IMMT: variants seen among roughly 807,000 people sequenced by gnomAD.
IMMT encodes inner membrane mitochondrial protein, also known as MICOS complex subunit MIC60.
IMMT carries 40 observed loss-of-function variants against 92.7 expected under a neutral mutation model. That is an observed-to-expected ratio of 0.43 (90% CI 0.34 to 0.56). The LOEUF (loss-of-function observed/expected upper bound fraction) is 0.56, where lower values mean the gene tolerates loss of function less well. Among genes scored for constraint, IMMT ranks in the 20% least tolerant of loss-of-function variants. The probability of loss-of-function intolerance (pLI) is 0.03; values close to 1 mark genes in which losing one functional copy is unlikely to be tolerated. For synonymous variants in IMMT, 322 were observed against 336.1 expected (o/e 0.96, Z 0.46); for missense variants, 831 against 912.1 (o/e 0.91, Z 1.14).
rs373215755 is a variant in IMMT at position 86,171,297 on chromosome 2, G to A, written c.470C>T (p.Ser157Leu). 6.3e-5 allele frequency: 102 copies of A among 1,610,520 alleles called. No individual in the cohort carries two copies. Among genetic ancestry groups the A allele is most frequent in the Admixed American group, 8.4e-5 (5 of 59,622 alleles). Residue 157 changes from serine (S) to leucine (L), a missense_variant, in exon 5 of 15, where the codon TCG becomes TTG. Coordinates refer to ENST00000410111, the MANE Select transcript of IMMT (RefSeq NM_006839.3). ...QIISAAGDTLSVPAPAVQPEE... is the reference protein window; with the variant it reads ...QIISAAGDTLLVPAPAVQPEE... ...AGGCTGAACTGCAGGGGCTGGGACC[G>A]ACAGGGTATCACCTGCTGCAGAAAT...
At chr2:86,168,521 G>C (rs887116855) in intron 6 of IMMT, among the ~76,000 whole-genome samples, 5 of 152,148 alleles carry the variant, frequency 3.3e-5, no homozygotes, top group Non-Finnish European at 5.9e-5. Context: ...TACTCAGGAG[G>C]CTGAGGCAGG....
chr2:86,150,397 A>G (rs936709805), intron 12 of IMMT, among the ~76,000 whole-genome samples: 1 of 152,228 alleles, frequency 6.6e-6, no homozygotes, highest in African/African-American at 2.4e-5. Flanking sequence ...CTGAGCAGAA[A>G]AGGAGGTTAA....
At chr2:86,149,831 G>T (rs1675327238) in intron 12 of IMMT, among the ~76,000 whole-genome samples, 1 of 146,190 alleles carries the variant, frequency 6.8e-6, no homozygotes, top group South Asian at 2.1e-4. Flanking sequence ...AATGAGCCAA[G>T]ATTGCACTAC....
At chr2:86,171,857 T>C (rs544741668) in intron 4 of IMMT, among the ~76,000 whole-genome samples, 4 of 118,160 alleles carry the variant, frequency 3.4e-5, no homozygotes, top group East Asian at 2.0e-4. Flanking sequence ...CATATATATA[T>C]ATATATTTTT....
At chr2:86,145,040 A>G (rs1416690610) in intron 14 of IMMT, among the ~76,000 whole-genome samples, 159 bp from the exon 15 acceptor site, 1 of 147,854 alleles carries the variant, frequency 6.8e-6, no homozygotes, top group African/African-American at 2.5e-5. Flanking sequence ...TTTCTGGTGT[A>G]TTTTCCTAGC....
At chr2:86,184,952 G>A (rs1054550953) in intron 1 of IMMT, among the ~76,000 whole-genome samples, 6 of 152,128 alleles carry the variant, frequency 3.9e-5, no homozygotes, top group African/African-American at 1.2e-4. Context: ...ACTTTGGGAG[G>A]CCGAAGCGGG....
intron 4 of IMMT, among the ~76,000 whole-genome samples, chr2:86,172,613 T>G (rs1431973583): frequency 6.6e-6 from 1 of 152,252 alleles, no homozygotes; most frequent in Admixed American, 6.5e-5. Flanking sequence ...ATTACAGGCA[T>G]GAGCCCATGC....
At chr2:86,188,976 T>C (rs1023578714) in intron 1 of IMMT, among the ~76,000 whole-genome samples, 1 of 152,214 alleles carries the variant, frequency 6.6e-6, no homozygotes, top group Non-Finnish European at 1.5e-5. Context: ...AAGAAACCAT[T>C]GCCAAACATA....
intron 11 of IMMT, 31 bp from the exon 12 acceptor site, chr2:86,151,551 G>T: frequency 1.3e-6 from 2 of 1,487,168 alleles, no homozygotes; most frequent in Non-Finnish European, 1.9e-6. Context: ...AAATATTAAT[G>T]ATGTCACTGA....
At chr2:86,186,072 G>C (rs954871881) in intron 1 of IMMT, among the ~76,000 whole-genome samples, 1 of 152,190 alleles carries the variant, frequency 6.6e-6, no homozygotes, top group African/African-American at 2.4e-5. Flanking sequence ...TATGCTGAAT[G>C]TATGGGGAGC....
chr2:86,169,035 T>C (rs1477370236), intron 6 of IMMT, among the ~76,000 whole-genome samples: 1 of 152,240 alleles, frequency 6.6e-6, no homozygotes. Flanking sequence ...TGTCCTTTGA[T>C]CCTTGATAAA....
chr2:86,193,331 CAGG>C (rs1460642595), intron 1 of IMMT, among the ~76,000 whole-genome samples: 4 of 150,060 alleles, frequency 2.7e-5, no homozygotes, highest in African/African-American at 9.8e-5. Flanking sequence ...TGCTTGCGCT[CAGG>C]AGGTCAAGGC....
chr2:86,172,643 T>C (rs1194227134), intron 4 of IMMT, among the ~76,000 whole-genome samples: 1 of 152,170 alleles, frequency 6.6e-6, no homozygotes, highest in Non-Finnish European at 1.5e-5. Context: ...AAAATAAAAT[T>C]CTTACAATGG....
intron 14 of IMMT, among the ~76,000 whole-genome samples, chr2:86,145,266 G>A (rs538082855): frequency 9.3e-5 from 6 of 64,796 alleles, no homozygotes; most frequent in Admixed American, 1.8e-4. Context: ...AGGCCGAGGT[G>A]GGTGGATCAC....
chr2:86,162,200 T>C (rs1676335471), intron 7 of IMMT, 121 bp from the exon 8 acceptor site: 1 of 608,820 alleles, frequency 1.6e-6, no homozygotes, highest in East Asian at 3.4e-5. Flanking sequence ...ATATGCAATG[T>C]TTCTCCAGAG....
At position 86,147,764 on chromosome 2, in the gene IMMT, T is replaced by C. The variant is rs1261966038; in HGVS notation, c.1471A>G (p.Thr491Ala). The C allele has an allele frequency of 1.2e-6, 2 of 1,613,828 alleles. No individual in the cohort carries two copies. Among genetic ancestry groups the C allele is most frequent in the Non-Finnish European group, 1.7e-6 (2 of 1,179,844 alleles). ...TQLRRQAAAH[T>A]DHLRDVLRVQ... Reference sequence around the variant, plus strand: ...CTAAGGACATCTCGCAAGTGATCAGTGTGGGCAGCTGCCTGTCGGCGAAGC... The same window carrying C: ...CTAAGGACATCTCGCAAGTGATCAGCGTGGGCAGCTGCCTGTCGGCGAAGC... The change falls in exon 13 of 15, where the codon ACT (threonine) becomes GCT (alanine). Residue 491 changes from threonine to alanine, a missense_variant. Physicochemically the swap from Thr to Ala is moderately conservative, Grantham distance 58. Coordinates refer to ENST00000410111, the MANE Select transcript of IMMT (RefSeq NM_006839.3).
chr2:86,153,500 C>A, intron 11 of IMMT, 60 bp downstream of exon 11: 3 of 961,012 alleles, frequency 3.1e-6, no homozygotes, highest in Non-Finnish European at 4.5e-6. Context: ...AACAAAAAGA[C>A]TTTAGTCTCT....
intron 7 of IMMT, among the ~76,000 whole-genome samples, chr2:86,162,661 T>C (rs563656164): frequency 2.6e-5 from 4 of 152,116 alleles, no homozygotes; most frequent in South Asian, 2.1e-4. Flanking sequence ...CTGGCTAACA[T>C]GGTGAAACCC....
intron 8 of IMMT, chr2:86,159,902 A>C (rs1676144553): frequency 3.0e-6 from 1 of 329,420 alleles, no homozygotes; most frequent in Non-Finnish European, 5.4e-6. Flanking sequence ...TTATTAAAAA[A>C]ACTAAAAGAA....
Sources: gnomAD v4.1 joint callset for allele counts (sites outside exome capture counted in the v4.1 genomes callset) on GRCh38, gnomAD v4.1.1 for gene constraint, MANE v1.5 for transcripts, NCBI Gene and HGNC (gene_info 2026-07-23, HGNC 2026-07-21) for gene names.